Variants in JMJD1C observed in about 807,000 individuals in gnomAD.
JMJD1C encodes the protein jumonji domain containing 1C.
In JMJD1C, 31 loss-of-function variants were observed where a neutral mutation model predicts 245.3. The observed-to-expected ratio is 0.13, with a 90% CI of 0.09 to 0.17. JMJD1C has a LOEUF of 0.17. Among genes scored for constraint, JMJD1C ranks in the 10% least tolerant of loss-of-function variants. The probability of loss-of-function intolerance (pLI) is 1.00; values close to 1 mark genes in which losing one functional copy is unlikely to be tolerated. For missense variants in JMJD1C, 2,691 were observed against 3,000.2 expected, an observed-to-expected ratio of 0.90 and a Z score of 2.41; for synonymous variants, 1,057 against 1,017.4, an observed-to-expected ratio of 1.04 and a Z score of -0.74.
chr10:63,333,766 T>C (rs1165052095), intron 2 of JMJD1C, among the ~76,000 whole-genome samples: 3 of 152,192 alleles, frequency 2.0e-5, no homozygotes, highest in Non-Finnish European at 4.4e-5. Context: ...TTCTACACTA[T>C]CTCTTCATTT....
chr10:63,459,980 T>C (rs371874518), intron 1 of JMJD1C, among the ~76,000 whole-genome samples: 1 of 152,318 alleles, frequency 6.6e-6, no homozygotes, highest in East Asian at 1.9e-4. Context: ...TGGTTTACCT[T>C]AAAGTAGAAA....
intron 3 of JMJD1C, among the ~76,000 whole-genome samples, chr10:63,238,564 T>A (rs1194076965): frequency 1.3e-5 from 2 of 152,240 alleles, no homozygotes; most frequent in Admixed American, 1.3e-4. Context: ...TATATTATGA[T>A]GCAGTTATAA....
At chr10:63,225,837 G>A (rs1849205386) in intron 3 of JMJD1C, among the ~76,000 whole-genome samples, 1 of 151,896 alleles carries the variant, frequency 6.6e-6, no homozygotes, top group African/African-American at 2.4e-5. Flanking sequence ...CACTATGCTG[G>A]GTACTTTCCA....
chr10:63,454,817 G>T (rs1358826542), intron 1 of JMJD1C, among the ~76,000 whole-genome samples: 2 of 152,174 alleles, frequency 1.3e-5, no homozygotes, highest in Non-Finnish European at 2.9e-5. Flanking sequence ...AATGAATATG[G>T]CTGACTGTAT....
intron 1 of JMJD1C, among the ~76,000 whole-genome samples, chr10:63,404,225 G>C (rs1204935688): frequency 6.6e-6 from 1 of 152,026 alleles, no homozygotes; most frequent in East Asian, 1.9e-4. Flanking sequence ...AAAAGAGTAA[G>C]GACACATAAA....
At chr10:63,362,383 T>G (rs926469109) in intron 2 of JMJD1C, among the ~76,000 whole-genome samples, 4 of 152,120 alleles carry the variant, frequency 2.6e-5, no homozygotes, top group African/African-American at 9.7e-5. Flanking sequence ...TGAATAACTT[T>G]AAGTGCACAA....
chr10:63,272,578 T>TA (rs1223655448), intron 2 of JMJD1C, among the ~76,000 whole-genome samples: 2 of 152,202 alleles, frequency 1.3e-5, no homozygotes, highest in Admixed American at 1.3e-4. Flanking sequence ...GAAGTGTTTT[T>TA]AATAATGTTG....
chr10:63,208,151 G>A lies in JMJD1C; in HGVS notation c.3518C>T (p.Ser1173Phe), dbSNP rs1429582870. Residue 1173 changes from serine (S) to phenylalanine (F), a missense_variant, in exon 10 of 26, where the codon TCT becomes TTT. Physicochemically the swap from Ser to Phe is radical, Grantham distance 155. Transcript: ENST00000399262. ...IPEHLPHQIA[S>F]HSVTTFRNDC... ...ATTTCTGAAGGTTGTTACTGAGTGAGATGCAATCTGATGTGGAAGATGTTC... is the reference window on the plus strand; with the variant it reads ...ATTTCTGAAGGTTGTTACTGAGTGAAATGCAATCTGATGTGGAAGATGTTC... 1 of 1,614,190 alleles carries A rather than the reference G, an allele frequency of 6.2e-7. No individual in the cohort carries two copies. The highest frequency in any genetic ancestry group is 2.2e-5 in the East Asian group (1 of 44,882).
At chr10:63,301,865 T>C (rs1272273812) in intron 2 of JMJD1C, 1 of 369,276 alleles carries the variant, frequency 2.7e-6, no homozygotes, top group Non-Finnish European at 5.3e-6. Context: ...AACAAACAAA[T>C]GGCTAAAGAA....
At chr10:63,464,296 A>G (rs373243666) in intron 1 of JMJD1C, among the ~76,000 whole-genome samples, 2 of 152,218 alleles carry the variant, frequency 1.3e-5, no homozygotes, top group South Asian at 2.1e-4. Flanking sequence ...CGCATTAACC[A>G]TATCATTGAC....
At chr10:63,210,034 C>T (rs1278801732) in intron 8 of JMJD1C, among the ~76,000 whole-genome samples, 1 of 152,108 alleles carries the variant, frequency 6.6e-6, no homozygotes, top group Non-Finnish European at 1.5e-5. Context: ...AAAGGGAATA[C>T]GTTTTACTTC....
chr10:63,484,460 C>T (rs779775911), intron 1 of JMJD1C, among the ~76,000 whole-genome samples: 7 of 151,962 alleles, frequency 4.6e-5, no homozygotes, highest in East Asian at 1.9e-4. Flanking sequence ...TCCCTTTTCA[C>T]GCTATTTATA....
At chr10:63,502,737 T>A (rs1954600278) in intron 1 of JMJD1C, among the ~76,000 whole-genome samples, 2 of 152,182 alleles carry the variant, frequency 1.3e-5, no homozygotes, top group Non-Finnish European at 2.9e-5. Context: ...AACTCTGTAT[T>A]TCTTGGAGCT....
intron 1 of JMJD1C, among the ~76,000 whole-genome samples, chr10:63,408,713 G>A (rs577555347): frequency 7.0e-6 from 1 of 143,064 alleles, no homozygotes; most frequent in Non-Finnish European, 1.5e-5. Context: ...ATGTAGGGTG[G>A]TTTTTTTTTT....
At chr10:63,391,199 T>G (rs7095571) in intron 1 of JMJD1C, among the ~76,000 whole-genome samples, 63,960 of 151,946 alleles carry the variant, frequency 0.42, 14,202 homozygotes, top group South Asian at 0.53. Context: ...ATACCAATAA[T>G]GCAATAGCTG....
chr10:63,247,029 C>G (rs1406630361), intron 3 of JMJD1C, among the ~76,000 whole-genome samples: 1 of 132,948 alleles, frequency 7.5e-6, no homozygotes, highest in Non-Finnish European at 1.7e-5. Flanking sequence ...CAAGGAACTA[C>G]AAAAGAACAA....
chr10:63,260,369 C>T (rs1854543216), intron 3 of JMJD1C, among the ~76,000 whole-genome samples: 1 of 152,078 alleles, frequency 6.6e-6, no homozygotes, highest in South Asian at 2.1e-4. Flanking sequence ...GAAGCAACCC[C>T]AACCTGAAAA....
At chr10:63,343,366 CAA>C (rs1186173323) in intron 2 of JMJD1C, among the ~76,000 whole-genome samples, 4 of 104,546 alleles carry the variant, frequency 3.8e-5, no homozygotes, top group African/African-American at 1.5e-4. Context: ...AACTCCATCT[CAA>C]AAAAAAAACA....
chr10:63,320,821 ACT>A (rs1414065311), intron 2 of JMJD1C, among the ~76,000 whole-genome samples: 1 of 151,456 alleles, frequency 6.6e-6, no homozygotes, highest in Non-Finnish European at 1.5e-5. Context: ...GTGACAGAAG[ACT>A]CTTTTGTTCT....
Sources: allele counts gnomAD v4.1 joint callset (sites outside exome capture counted in the v4.1 genomes callset), GRCh38; gene constraint gnomAD v4.1.1; transcripts MANE v1.5; gene names NCBI Gene and HGNC (gene_info 2026-07-23, HGNC 2026-07-21).